ZNF714: variants seen among roughly 807,000 people sequenced by gnomAD.
ZNF714 encodes the protein zinc finger protein 714.
ZNF714 carries 32 observed loss-of-function variants against 46.2 expected under a neutral mutation model. The observed-to-expected ratio is 0.69, with a 90% CI of 0.52 to 0.93. The LOEUF (loss-of-function observed/expected upper bound fraction) is 0.93, where lower values mean the gene tolerates loss of function less well. Among genes scored for constraint, ZNF714 ranks in the 40% least tolerant of loss-of-function variants. ZNF714 has a pLI of 0.00. For synonymous variants in ZNF714, 199 were observed against 213.1 expected, an observed-to-expected ratio of 0.93 and a Z score of 0.58; for missense variants, 635 against 646.3, an observed-to-expected ratio of 0.98 and a Z score of 0.19.
chr19:21,083,915 A>T, intron 1 of ZNF714, 63 bp from the exon 2 acceptor site: 1 of 905,650 alleles, frequency 1.1e-6, no homozygotes, highest in Non-Finnish European at 1.5e-6. Context: ...CAAGATATCC[A>T]CCATGGTTAT....
chr19:21,107,587 G>T (rs904554789), intron 4 of ZNF714, among the ~76,000 whole-genome samples: 3 of 151,314 alleles, frequency 2.0e-5, no homozygotes, highest in Non-Finnish European at 4.4e-5. Context: ...TTTTTAAAGA[G>T]CTTATATTGA....
intron 4 of ZNF714, among the ~76,000 whole-genome samples, chr19:21,106,776 T>C (rs376345061): frequency 3.7e-4 from 56 of 152,246 alleles, no homozygotes; most frequent in African/African-American, 1.3e-3. Context: ...CATCTGTTTA[T>C]CTGCCTTTGT....
In ZNF714 at chr19:21,117,687, C is replaced by T; in HGVS notation, c.1023C>T (p.Tyr341=). The T allele has an allele frequency of 6.2e-7, 1 of 1,613,530 alleles. No homozygotes were observed. Among genetic ancestry groups the T allele is most frequent in the East Asian group, 2.2e-5 (1 of 44,832 alleles). The part of the protein sequence containing the change: ...HKRIHTGEKP[Y]KCEECGKAFN... ...GAATTCATACTGGAGAGAAACCCTA[C>T]AAATGTGAAGAATGTGGCAAAGCCT... The change falls in exon 5 of 5, where the codon TAC becomes TAT. Residue 341 remains tyrosine, a synonymous_variant. Transcript: ENST00000456283.
intron 2 of ZNF714, chr19:21,091,822 A>C (rs970611572): frequency 6.6e-6 from 1 of 152,180 alleles, no homozygotes; most frequent in African/African-American, 2.4e-5. Context: ...GGAAGTTTGT[A>C]GGAGTCCCCA....
chr19:21,112,549 A>C (rs1969470724), intron 4 of ZNF714, among the ~76,000 whole-genome samples: 1 of 122,340 alleles, frequency 8.2e-6, no homozygotes, highest in Non-Finnish European at 1.8e-5. Flanking sequence ...TTTTTTTTTG[A>C]ATGGTTTTTT....
At chr19:21,107,189 C>T (rs887262198) in intron 4 of ZNF714, among the ~76,000 whole-genome samples, 1 of 151,446 alleles carries the variant, frequency 6.6e-6, no homozygotes, top group South Asian at 2.1e-4. Context: ...TTTTCCTGGG[C>T]GTTTGGCTGG....
chr19:21,106,528 C>A (rs1969318586), intron 4 of ZNF714, among the ~76,000 whole-genome samples: 1 of 144,604 alleles, frequency 6.9e-6, no homozygotes, highest in Non-Finnish European at 1.5e-5. Flanking sequence ...GAGATCGTGC[C>A]ACTGCACTCC....
chr19:21,090,917 G>T (rs534248292), intron 2 of ZNF714: 1 of 103,334 alleles, frequency 9.7e-6, no homozygotes, highest in Non-Finnish European at 1.8e-5. Flanking sequence ...ACAGGGTCGC[G>T]CTGTTTTGCC....
Position 21,121,298 on chromosome 19 carries a change from TCTGCCTGCCTTGACCTCCCA to T in ZNF714, c.*2967_*2986del, listed in dbSNP as rs1405736148. 6.6e-6 allele frequency: 1 copy of T among 152,190 alleles called. No individual in the cohort carries two copies. The highest frequency in any genetic ancestry group is 1.5e-5 in the Non-Finnish European group (1 of 68,048). 9.4% of individuals were successfully genotyped at this position (152,190 alleles called of 1,614,324 possible). On this transcript the variant is annotated 3_prime_UTR_variant, in exon 5 of 5. Transcript: ENST00000456283. ...TGGTCTCGATCTCCTGACCTCATGA[TCTGCCTGCCTTGACCTCCCA>T]AAGTGCTGGGATTACAGGCATGAGC...
At chr19:21,115,978 A>G (rs930036019) in intron 4 of ZNF714, among the ~76,000 whole-genome samples, 3 of 150,952 alleles carry the variant, frequency 2.0e-5, no homozygotes, top group Non-Finnish European at 4.4e-5. Context: ...CATCTTTTTT[A>G]TGGTTTCTTT....
intron 4 of ZNF714, among the ~76,000 whole-genome samples, chr19:21,104,455 C>T (rs1432486375): frequency 2.6e-5 from 4 of 151,926 alleles, no homozygotes; most frequent in East Asian, 1.9e-4. Flanking sequence ...GCATTTATAA[C>T]ATTTAAAATA....
At chr19:21,115,806 G>C (rs1332660860) in intron 4 of ZNF714, among the ~76,000 whole-genome samples, 1 of 151,114 alleles carries the variant, frequency 6.6e-6, no homozygotes, top group Non-Finnish European at 1.5e-5. Flanking sequence ...GAATTTTTGA[G>C]TTATATTTTC....
intron 4 of ZNF714, among the ~76,000 whole-genome samples, chr19:21,112,490 G>C (rs1019124341): frequency 1.3e-5 from 2 of 148,590 alleles, no homozygotes; most frequent in South Asian, 2.1e-4. Context: ...TATAGCTAGT[G>C]TCTATTTTAT....
intron 4 of ZNF714, among the ~76,000 whole-genome samples, chr19:21,102,174 T>G (rs1307263388): frequency 6.6e-6 from 1 of 152,240 alleles, no homozygotes; most frequent in Non-Finnish European, 1.5e-5. Flanking sequence ...AGAGCACCTT[T>G]TATTTTTTCA....
intron 2 of ZNF714, among the ~76,000 whole-genome samples, chr19:21,094,576 G>C (rs764504388): frequency 4.6e-5 from 7 of 152,166 alleles, no homozygotes; most frequent in Non-Finnish European, 1.0e-4. Context: ...ACCCAGGCTG[G>C]AGTACAGTGG....
At chr19:21,096,120 A>G (rs907925692) in intron 2 of ZNF714, among the ~76,000 whole-genome samples, 2 of 152,140 alleles carry the variant, frequency 1.3e-5, no homozygotes, top group Non-Finnish European at 2.9e-5. Flanking sequence ...TCATTACTGT[A>G]GTAGAAATTG....
At chr19:21,093,660 G>A (rs982536725) in intron 2 of ZNF714, among the ~76,000 whole-genome samples, 4 of 151,950 alleles carry the variant, frequency 2.6e-5, no homozygotes, top group African/African-American at 9.7e-5. Flanking sequence ...TGGAGACAGT[G>A]TTTCACTCTG....
At position 21,098,057 on chromosome 19, in the gene ZNF714, A is replaced by G. The variant is rs936683233; in HGVS notation, c.-84-128A>G. ...ATATTTCTGTGTTAAAAATTATTGG[A>G]TAATTTCAGTTATTCTTATAAGTCA... is the stretch of plus-strand genomic sequence containing the variant. On this transcript the variant is annotated intron_variant, in intron 2 of 4. Coordinates refer to ENST00000456283, the MANE Select transcript of ZNF714 (RefSeq NM_182515.4). 4 of 1,349,946 alleles carry G rather than the reference A, an allele frequency of 3.0e-6. No homozygotes were observed. The African/African-American group carries it at 6.0e-5, about 20-fold the overall frequency. The allele number at this position is 1,349,946 out of a possible 1,614,324, so 83.6% of individuals were successfully genotyped here.
chr19:21,090,844 A>G (rs1968891262), intron 2 of ZNF714: 1 of 150,172 alleles, frequency 6.7e-6, no homozygotes, highest in Non-Finnish European at 1.5e-5. Flanking sequence ...TTATATGCTA[A>G]ACAAGGGGTG....
Sources: allele counts gnomAD v4.1 joint callset (sites outside exome capture counted in the v4.1 genomes callset), GRCh38; gene constraint gnomAD v4.1.1; transcripts MANE v1.5; gene names NCBI Gene and HGNC (gene_info 2026-07-23, HGNC 2026-07-21).